The following CDH4 variants were observed in gnomAD, a reference collection of about 807,000 sequenced individuals.
CDH4 encodes the protein cadherin-4.
Under a neutral mutation model 86.0 loss-of-function variants are expected in CDH4, and 33 were observed. The observed-to-expected ratio is 0.38, with a 90% CI of 0.29 to 0.51. The LOEUF (loss-of-function observed/expected upper bound fraction) is 0.51, where lower values mean the gene tolerates loss of function less well. CDH4 is among the 20% of genes least tolerant of loss of function. The pLI is 0.86. For missense variants in CDH4, 1,114 were observed against 1,307.4 expected (o/e 0.85, Z 2.28); for synonymous variants, 555 against 549.4 (o/e 1.01, Z -0.14).
intron 4 of CDH4, among the ~76,000 whole-genome samples, chr20:61,796,968 C>T (rs1181938002): frequency 6.6e-6 from 1 of 152,140 alleles, no homozygotes; most frequent in Admixed American, 6.5e-5. Context: ...TTGGGAGCGC[C>T]ATACAGCGCC....
intron 2 of CDH4, among the ~76,000 whole-genome samples, chr20:61,699,296 A>G (rs890312420): frequency 3.9e-5 from 6 of 152,166 alleles, no homozygotes; most frequent in African/African-American, 1.4e-4. Flanking sequence ...GAGGGGGCAG[A>G]GAGGCAGGGT....
chr20:61,419,026 CG>C (rs2085162527), intron 2 of CDH4, among the ~76,000 whole-genome samples: 1 of 152,140 alleles, frequency 6.6e-6, no homozygotes, highest in Non-Finnish European at 1.5e-5. Flanking sequence ...TCAGCAAAGA[CG>C]TTTTTTCCAG....
intron 4 of CDH4, among the ~76,000 whole-genome samples, chr20:61,804,096 G>C (rs1283104984): frequency 1.3e-5 from 2 of 152,270 alleles, no homozygotes; most frequent in African/African-American, 4.8e-5. Flanking sequence ...AGGCACGACA[G>C]AAAACGTGTC....
At chr20:61,857,726 A>T (rs910888133) in intron 6 of CDH4, among the ~76,000 whole-genome samples, 8 of 152,278 alleles carry the variant, frequency 5.3e-5, no homozygotes, top group Non-Finnish European at 1.2e-4. Flanking sequence ...AGTTGTAGGA[A>T]ATAAGACAGA....
intron 6 of CDH4, 123 bp from the exon 7 acceptor site, chr20:61,873,605 A>C: frequency 3.1e-6 from 3 of 982,234 alleles, no homozygotes; most frequent in Non-Finnish European, 3.0e-6. Flanking sequence ...GCCGAGAGGA[A>C]GGGGGTTCCG....
intron 6 of CDH4, among the ~76,000 whole-genome samples, chr20:61,866,366 G>T (rs979794500): frequency 6.6e-6 from 1 of 152,160 alleles, no homozygotes; most frequent in South Asian, 2.1e-4. Context: ...TTTGCTGAGT[G>T]GGCACATTTT....
intron 2 of CDH4, among the ~76,000 whole-genome samples, chr20:61,659,523 C>CT (rs940802110): frequency 2.6e-5 from 4 of 152,086 alleles, no homozygotes; most frequent in African/African-American, 9.7e-5. Flanking sequence ...GTCTCAGCGG[C>CT]TTGGAGACAG....
intron 2 of CDH4, among the ~76,000 whole-genome samples, chr20:61,371,816 G>T (rs566735157): frequency 6.6e-6 from 1 of 152,344 alleles, no homozygotes; most frequent in Admixed American, 6.5e-5. Context: ...TGCACATCTT[G>T]AAGGCAGATT....
intron 2 of CDH4, among the ~76,000 whole-genome samples, chr20:61,426,116 A>T (rs1041720656): frequency 6.6e-6 from 1 of 152,226 alleles, no homozygotes; most frequent in African/African-American, 2.4e-5. Context: ...ATTTTATGAA[A>T]AAAGCAATAA....
In CDH4 at chr20:61,894,947, A is replaced by G. The variant is rs1435348112; in HGVS notation, c.1088A>G (p.Asp363Gly). 6.2e-7 allele frequency: 1 copy of G among 1,613,788 alleles called. No homozygotes were observed. The highest frequency in any genetic ancestry group is 8.5e-7 in the Non-Finnish European group (1 of 1,179,960). ...QQYTVIVQAT[D>G]MEGNLNYGLS... The stretch of plus-strand genomic sequence containing the variant: ...TACACAGTCATCGTTCAGGCCACAG[A>G]TATGGAAGGAAATCTCAACTATGGC... The change falls in exon 8 of 16, where the codon GAT (aspartate) becomes GGT (glycine). Residue 363 changes from aspartate (D) to glycine (G), a missense_variant. By Grantham distance (94) the Asp-to-Gly change is moderately conservative (BLOSUM62 -1). Around this residue, in one of 3 missense-constraint regions of CDH4, gnomAD observed 705 missense variants for 914.1 expected, o/e 0.77. Coordinates refer to ENST00000614565, the MANE Select transcript of CDH4 (RefSeq NM_001794.5).
At chr20:61,367,001 C>A (rs1414726753) in intron 2 of CDH4, among the ~76,000 whole-genome samples, 1 of 152,234 alleles carries the variant, frequency 6.6e-6, no homozygotes, top group African/African-American at 2.4e-5. Context: ...GAACACATTG[C>A]AGGCAACGAG....
intron 2 of CDH4, among the ~76,000 whole-genome samples, chr20:61,632,689 T>A (rs2086901827): frequency 7.2e-6 from 1 of 139,086 alleles, no homozygotes; most frequent in South Asian, 2.5e-4. Flanking sequence ...CCCCTCTCAC[T>A]TCCCCCATGT....
At chr20:61,404,103 A>G (rs930857772) in intron 2 of CDH4, among the ~76,000 whole-genome samples, 4 of 152,148 alleles carry the variant, frequency 2.6e-5, no homozygotes, top group African/African-American at 9.7e-5. Flanking sequence ...CTGGGCAAGG[A>G]GACACTGGGC....
chr20:61,293,323 C>T (rs766115218), intron 2 of CDH4, among the ~76,000 whole-genome samples: 5 of 152,238 alleles, frequency 3.3e-5, no homozygotes, highest in South Asian at 2.1e-4. Context: ...CAGGAGGACC[C>T]GTAGGACAGG....
chr20:61,409,219 C>T (rs1473529886), intron 2 of CDH4, among the ~76,000 whole-genome samples: 1 of 152,130 alleles, frequency 6.6e-6, no homozygotes, highest in Non-Finnish European at 1.5e-5. Context: ...GACCTTGAAC[C>T]CTCCCCCACG....
At chr20:61,847,702 G>A (rs778382893) in intron 5 of CDH4, among the ~76,000 whole-genome samples, 1 of 152,180 alleles carries the variant, frequency 6.6e-6, no homozygotes, top group Non-Finnish European at 1.5e-5. Flanking sequence ...TATAGCGCCG[G>A]CATCTCCTTC....
chr20:61,883,396 G>T (rs1053068212), intron 7 of CDH4, among the ~76,000 whole-genome samples: 1 of 152,208 alleles, frequency 6.6e-6, no homozygotes, highest in Admixed American at 6.5e-5. Flanking sequence ...GCAAGTGGTG[G>T]TATCTGTGGT....
At chr20:61,589,014 C>G (rs114459856) in intron 2 of CDH4, among the ~76,000 whole-genome samples, 1 of 152,190 alleles carries the variant, frequency 6.6e-6, no homozygotes, top group Non-Finnish European at 1.5e-5. Flanking sequence ...AGCCGTTTGA[C>G]GACAGATCAG....
intron 2 of CDH4, among the ~76,000 whole-genome samples, chr20:61,595,678 G>C (rs1246875702): frequency 6.6e-6 from 1 of 152,268 alleles, no homozygotes; most frequent in East Asian, 1.9e-4. Context: ...CCACGTGCAT[G>C]AAAGTAGCGA....
Sources: gnomAD v4.1 joint callset for allele counts (sites outside exome capture counted in the v4.1 genomes callset) on GRCh38, gnomAD v4.1.1 for gene constraint, gnomAD v4.1.1 regional missense constraint, MANE v1.5 for transcripts, NCBI Gene and HGNC (gene_info 2026-07-23, HGNC 2026-07-21) for gene names.